Variants in CEMIP observed in about 807,000 individuals in gnomAD.
CEMIP encodes cell migration-inducing and hyaluronan-binding protein.
In CEMIP, 105 loss-of-function variants were observed where a neutral mutation model predicts 156.9. The observed-to-expected ratio is 0.67, with a 90% CI of 0.57 to 0.79. The LOEUF (loss-of-function observed/expected upper bound fraction) is 0.79, where lower values mean the gene tolerates loss of function less well. Among genes scored for constraint, CEMIP ranks in the 30% least tolerant of loss-of-function variants. The probability of loss-of-function intolerance (pLI) is 0.00; values close to 1 mark genes in which losing one functional copy is unlikely to be tolerated. For missense variants in CEMIP, 1,457 were observed against 1,769.4 expected, an observed-to-expected ratio of 0.82 and a Z score of 3.17; for synonymous variants, 676 against 668.4, an observed-to-expected ratio of 1.01 and a Z score of -0.17.
intron 1 of CEMIP, among the ~76,000 whole-genome samples, chr15:80,801,320 C>G (rs185827004): frequency 6.6e-6 from 1 of 152,336 alleles, no homozygotes; most frequent in East Asian, 1.9e-4. Context: ...CAACTGGAGG[C>G]TGGCTGGTCT....
chr15:80,923,324 G>T (rs1900542186), intron 17 of CEMIP, among the ~76,000 whole-genome samples: 1 of 152,184 alleles, frequency 6.6e-6, no homozygotes, highest in South Asian at 2.1e-4. Context: ...CCCTCAGAGA[G>T]CAATCTCCAT....
intron 14 of CEMIP, among the ~76,000 whole-genome samples, chr15:80,913,131 G>A (rs1032109805): frequency 1.3e-5 from 2 of 152,178 alleles, no homozygotes; most frequent in African/African-American, 4.8e-5. Flanking sequence ...TCTCCCTGCT[G>A]CCTGTAGACA....
chr15:80,917,510 A>T (rs1476110472), intron 14 of CEMIP, among the ~76,000 whole-genome samples: 2 of 152,212 alleles, frequency 1.3e-5, no homozygotes, highest in Non-Finnish European at 2.9e-5. Flanking sequence ...TGTCCAGGCT[A>T]TTTATAACAA....
rs759568782 is a variant in CEMIP at position 80,889,467 on chromosome 15, C to T, written c.965-4C>T. On this transcript the variant is annotated splice_polypyrimidine_tract_variant and splice_region_variant and intron_variant, in intron 9 of 29. Coordinates refer to ENST00000394685, the MANE Select transcript of CEMIP (RefSeq NM_001293298.2). ...TCTGACTGTGCTGTTTGCTTTCTGCCTAGACGTGGAGTGGACGGAGTGGTT... is the reference window on the plus strand; with the variant it reads ...TCTGACTGTGCTGTTTGCTTTCTGCTTAGACGTGGAGTGGACGGAGTGGTT... 6.2e-7 allele frequency: 1 copy of T among 1,613,970 alleles called. No homozygotes were observed. Among genetic ancestry groups the T allele is most frequent in the Non-Finnish European group, 8.5e-7 (1 of 1,179,956 alleles).
At chr15:80,809,683 G>A (rs1896609655) in intron 1 of CEMIP, among the ~76,000 whole-genome samples, 1 of 152,146 alleles carries the variant, frequency 6.6e-6, no homozygotes, top group Non-Finnish European at 1.5e-5. Flanking sequence ...TAGAGGCTAT[G>A]GGGGAAAATC....
intron 1 of CEMIP, 96 bp downstream of exon 1, chr15:80,779,710 G>C (rs1895740036): frequency 6.6e-6 from 1 of 152,458 alleles, no homozygotes; most frequent in Non-Finnish European, 1.5e-5. Flanking sequence ...ACCCGGCACA[G>C]GGTAAACGTT....
chr15:80,915,883 G>C (rs1900257965), intron 14 of CEMIP, among the ~76,000 whole-genome samples: 1 of 152,094 alleles, frequency 6.6e-6, no homozygotes, highest in Admixed American at 6.5e-5. Context: ...CATACTCTAT[G>C]GCAATCTTCT....
chr15:80,855,775 A>C lies in CEMIP; in HGVS notation c.-175-17763A>C, dbSNP rs552368724. Among the ~76,000 whole-genome samples the C allele has an allele frequency of 2.0e-4, 31 of 152,296 alleles. No homozygotes were observed. The South Asian group carries it at 6.4e-3, about 32-fold the overall frequency. On this transcript the variant is annotated intron_variant, in intron 1 of 29. Coordinates refer to ENST00000394685, the MANE Select transcript of CEMIP (RefSeq NM_001293298.2). ...TGTCCTCAAGAGATCTGCCTGCCTC[A>C]GCCTCTGAAAGTGCTGGGATTACAG...
intron 1 of CEMIP, among the ~76,000 whole-genome samples, chr15:80,779,893 C>G (rs1467168289): frequency 1.3e-5 from 2 of 151,554 alleles, no homozygotes; most frequent in Non-Finnish European, 2.9e-5. Context: ...GCGCTGGAGT[C>G]CCCAGAGGGC....
intron 1 of CEMIP, among the ~76,000 whole-genome samples, chr15:80,840,139 T>G (rs1897366097): frequency 6.6e-6 from 1 of 152,096 alleles, no homozygotes; most frequent in Non-Finnish European, 1.5e-5. Flanking sequence ...CCAAGGTGCT[T>G]CCTAGGGGCT....
intron 1 of CEMIP, among the ~76,000 whole-genome samples, chr15:80,812,966 G>T (rs888870362): frequency 1.3e-5 from 2 of 152,200 alleles, no homozygotes; most frequent in African/African-American, 4.8e-5. Flanking sequence ...CCCTACACCA[G>T]CATCGTGCTG....
intron 12 of CEMIP, among the ~76,000 whole-genome samples, chr15:80,904,669 T>C (rs537963603): frequency 6.6e-6 from 1 of 152,138 alleles, no homozygotes; most frequent in East Asian, 1.9e-4. Context: ...ACGTTAAAGA[T>C]GGCGGAAGGG....
intron 1 of CEMIP, among the ~76,000 whole-genome samples, chr15:80,840,830 C>G (rs1416883107): frequency 6.6e-6 from 1 of 152,198 alleles, no homozygotes; most frequent in Non-Finnish European, 1.5e-5. Context: ...CACCAGCAGG[C>G]TTTCTGGAGT....
intron 21 of CEMIP, 37 bp downstream of exon 21, chr15:80,929,211 G>A: frequency 6.2e-7 from 1 of 1,613,732 alleles, no homozygotes; most frequent in Non-Finnish European, 8.5e-7. Context: ...ATTCTGAGTG[G>A]CTTAACCTAA....
intron 1 of CEMIP, among the ~76,000 whole-genome samples, chr15:80,788,185 T>C (rs929248614): frequency 6.6e-6 from 1 of 152,058 alleles, no homozygotes; most frequent in African/African-American, 2.4e-5. Flanking sequence ...TAAATTTTTT[T>C]TAAGGCCGGG....
At chr15:80,784,520 C>A (rs1313070741) in intron 1 of CEMIP, among the ~76,000 whole-genome samples, 1 of 152,156 alleles carries the variant, frequency 6.6e-6, no homozygotes, top group Non-Finnish European at 1.5e-5. Context: ...GGAGGACAGG[C>A]ACATTTTTCT....
At chr15:80,868,508 G>C (rs1379267464) in intron 1 of CEMIP, among the ~76,000 whole-genome samples, 1 of 152,168 alleles carries the variant, frequency 6.6e-6, no homozygotes. Context: ...TTCTTGGCAA[G>C]TTTCCTGGGG....
At chr15:80,812,947 C>T (rs182199592) in intron 1 of CEMIP, among the ~76,000 whole-genome samples, 76 of 152,302 alleles carry the variant, frequency 5.0e-4, no homozygotes, top group African/African-American at 1.7e-3. Context: ...CAGAGTTGGA[C>T]ATAGCCATCC....
At chr15:80,817,532 T>C (rs1344814501) in intron 1 of CEMIP, among the ~76,000 whole-genome samples, 1 of 151,110 alleles carries the variant, frequency 6.6e-6, no homozygotes, top group Non-Finnish European at 1.5e-5. Flanking sequence ...GTCCGGGAGG[T>C]AGAGGTTGTG....
Sources: gnomAD v4.1 joint callset for allele counts (sites outside exome capture counted in the v4.1 genomes callset) on GRCh38, gnomAD v4.1.1 for gene constraint, MANE v1.5 for transcripts, NCBI Gene and HGNC (gene_info 2026-07-23, HGNC 2026-07-21) for gene names.